COL12A1: variants seen among roughly 807,000 people sequenced by gnomAD.
The protein encoded by COL12A1 is collagen alpha-1(XII) chain.
Under a neutral mutation model 349.7 loss-of-function variants are expected in COL12A1, and 114 were observed. That is an observed-to-expected ratio of 0.33 (90% CI 0.28 to 0.38). The LOEUF is 0.38. COL12A1 is among the 10% of genes least tolerant of loss of function. The pLI, the probability that COL12A1 is intolerant of heterozygous loss-of-function variation, is 1.00. For synonymous variants in COL12A1, 1,369 were observed against 1,329.0 expected, an observed-to-expected ratio of 1.03 and a Z score of -0.66; for missense variants, 3,284 against 3,756.9, an observed-to-expected ratio of 0.87 and a Z score of 3.29.
At chr6:75,204,295 G>A (rs982478245) in intron 1 of COL12A1, among the ~76,000 whole-genome samples, 2 of 152,088 alleles carry the variant, frequency 1.3e-5, no homozygotes, top group African/African-American at 4.8e-5. Flanking sequence ...TGGCAGTCGT[G>A]CTCGCGAGAA....
intron 13 of COL12A1, among the ~76,000 whole-genome samples, chr6:75,168,709 C>A (rs9447453): frequency 0.091 from 13,854 of 152,208 alleles, 703 homozygotes; most frequent in South Asian, 0.13. Flanking sequence ...ATTCTTTCCC[C>A]TTTTTGCTCT....
rs553047587 is a variant in COL12A1, at chr6:75,130,728, T to C, written c.6067+124A>G. 2.5e-5 allele frequency: 31 copies of C among 1,241,988 alleles called. No homozygotes were observed. The African/African-American group carries it at 3.3e-4, about 13-fold the overall frequency. The allele number at this position is 1,241,988 out of a possible 1,614,324, so 76.9% of individuals were successfully genotyped here. A position where few individuals can be genotyped will look rare whatever the true frequency, so the allele number is the denominator to read the frequency against. Reference sequence around the variant, plus strand: ...CCAATGTTTTCGCCTGGAATGTAAATGTAGGGGATCCCAGGCAGAAAGCAC... The same window carrying C: ...CCAATGTTTTCGCCTGGAATGTAAACGTAGGGGATCCCAGGCAGAAAGCAC... On this transcript the variant is annotated intron_variant, in intron 36 of 65. Transcript: ENST00000322507.
At chr6:75,107,128 C>G (rs988811771) in intron 52 of COL12A1, among the ~76,000 whole-genome samples, 1 of 151,780 alleles carries the variant, frequency 6.6e-6, no homozygotes. Flanking sequence ...TGGTCTTGAA[C>G]TCCTGGACTC....
At chr6:75,128,121 T>C (rs1000153005) in intron 38 of COL12A1, among the ~76,000 whole-genome samples, 175 bp downstream of exon 38, 1 of 150,514 alleles carries the variant, frequency 6.6e-6, no homozygotes, top group Non-Finnish European at 1.5e-5. Context: ...ACAAATTCCT[T>C]TCACATGTCA....
intron 1 of COL12A1, among the ~76,000 whole-genome samples, chr6:75,205,548 T>C (rs1770737154): frequency 6.6e-6 from 1 of 152,008 alleles, no homozygotes; most frequent in Non-Finnish European, 1.5e-5. Flanking sequence ...CACAAAACCT[T>C]GCTCAGCTCT....
chr6:75,141,488 C>T (rs570980503), intron 27 of COL12A1, among the ~76,000 whole-genome samples: 47 of 152,188 alleles, frequency 3.1e-4, no homozygotes, highest in Non-Finnish European at 5.6e-4. Context: ...ACTCCACTTA[C>T]AGTGCAGTCG....
intron 21 of COL12A1, among the ~76,000 whole-genome samples, chr6:75,150,472 A>G (rs1397441533): frequency 6.6e-6 from 1 of 152,198 alleles, no homozygotes. Context: ...AAGAGGTTAT[A>G]TAATTTCTAA....
intron 21 of COL12A1, among the ~76,000 whole-genome samples, chr6:75,150,654 A>G (rs1291760051): frequency 6.6e-6 from 1 of 152,166 alleles, no homozygotes; most frequent in Non-Finnish European, 1.5e-5. Context: ...GGAAAACAAG[A>G]GTCTGGGAAC....
At chr6:75,107,397 A>G (rs1562126749) in intron 52 of COL12A1, among the ~76,000 whole-genome samples, 1 of 151,756 alleles carries the variant, frequency 6.6e-6, no homozygotes, top group Non-Finnish European at 1.5e-5. Flanking sequence ...CAGCCTCCCA[A>G]TTAGCTGGCA....
chr6:75,154,405 C>T lies in COL12A1; in HGVS notation c.3565+11G>A. The stretch of plus-strand genomic sequence containing the variant: ...GTTGTTTTCCTCAAGGAATGTAACT[C>T]AATTTCTTACCAGAAGATAAAATTG... On this transcript the variant is annotated intron_variant, in intron 17 of 65. Coordinates refer to ENST00000322507, the MANE Select transcript of COL12A1 (RefSeq NM_004370.6). The T allele has an allele frequency of 6.2e-7, 1 of 1,607,572 alleles. No individual in the cohort carries two copies. The highest frequency in any genetic ancestry group is 8.5e-7 in the Non-Finnish European group (1 of 1,176,130).
At chr6:75,204,671 G>A (rs922862804) in intron 1 of COL12A1, among the ~76,000 whole-genome samples, 2 of 152,072 alleles carry the variant, frequency 1.3e-5, no homozygotes, top group Admixed American at 6.5e-5. Flanking sequence ...GAGTCCACTG[G>A]GGTGGGAGTG....
intron 14 of COL12A1, among the ~76,000 whole-genome samples, chr6:75,158,537 A>G (rs1767870854): frequency 1.3e-5 from 2 of 152,186 alleles, no homozygotes; most frequent in African/African-American, 4.8e-5. Context: ...AAGACAACAC[A>G]TAATAAGAAG....
chr6:75,189,839 T>C (rs747333546), intron 5 of COL12A1, 24 bp from the exon 6 acceptor site: 2 of 1,603,688 alleles, frequency 1.2e-6, no homozygotes, highest in Admixed American at 3.4e-5. Flanking sequence ...GATATCTTTT[T>C]AAATGATGCT....
At chr6:75,110,622 G>A (rs1459584544) in intron 51 of COL12A1, among the ~76,000 whole-genome samples, 3 of 151,902 alleles carry the variant, frequency 2.0e-5, no homozygotes, top group Admixed American at 1.3e-4. Context: ...TATTATAAAT[G>A]TCTCACATGA....
At chr6:75,123,261 C>A (rs558110144) in intron 43 of COL12A1, 69 bp downstream of exon 43, 3 of 1,238,756 alleles carry the variant, frequency 2.4e-6, no homozygotes, top group South Asian at 1.3e-5. Context: ...AAATGATGCA[C>A]ATGCAGCGTA....
At chr6:75,195,489 T>C (rs1372264578) in intron 2 of COL12A1, among the ~76,000 whole-genome samples, 3 of 152,162 alleles carry the variant, frequency 2.0e-5, no homozygotes, top group African/African-American at 7.2e-5. Flanking sequence ...TGTTATTTGA[T>C]AAATCTCAAT....
intron 15 of COL12A1, 143 bp downstream of exon 15, chr6:75,156,114 T>A: frequency 9.3e-7 from 1 of 1,074,498 alleles, no homozygotes; most frequent in Non-Finnish European, 1.3e-6. Context: ...AAAAATAACA[T>A]GTTATTTAGA....
chr6:75,192,677 A>T (rs1262628765), intron 3 of COL12A1, among the ~76,000 whole-genome samples: 2 of 152,176 alleles, frequency 1.3e-5, no homozygotes, highest in African/African-American at 4.8e-5. Flanking sequence ...GGTAGATAAC[A>T]GTTTTATAAA....
intron 5 of COL12A1, 22 bp from the exon 6 acceptor site, chr6:75,189,837 T>C: frequency 1.2e-6 from 2 of 1,604,600 alleles, no homozygotes; most frequent in Non-Finnish European, 1.7e-6. Context: ...TTGATATCTT[T>C]TTAAATGATG....
Sources: gnomAD v4.1 joint callset for allele counts (sites outside exome capture counted in the v4.1 genomes callset) on GRCh38, gnomAD v4.1.1 for gene constraint, MANE v1.5 for transcripts, NCBI Gene and HGNC (gene_info 2026-07-23, HGNC 2026-07-21) for gene names.